RPH3AL: variants seen among roughly 807,000 people sequenced by gnomAD.
RPH3AL encodes rabphilin 3A like (without C2 domains), also known as rab effector Noc2.
A neutral mutation model predicts 43.1 loss-of-function variants in RPH3AL; 38 were observed. The ratio of observed to expected loss-of-function variants is 0.88; its 90% CI spans 0.68 to 1.15. The LOEUF (loss-of-function observed/expected upper bound fraction) is 1.15. Ranked by LOEUF, RPH3AL falls within the 50% of genes most tolerant of loss-of-function variation. The pLI is 0.00. For missense variants in RPH3AL, 462 were observed against 423.2 expected (o/e 1.09, Z -0.81); for synonymous variants, 189 against 176.3 (o/e 1.07, Z -0.57).
chr17:230,674 C>T (rs2041210645), intron 7 of RPH3AL, among the ~76,000 whole-genome samples: 1 of 152,154 alleles, frequency 6.6e-6, no homozygotes, highest in Non-Finnish European at 1.5e-5. Context: ...CAGATGATGG[C>T]TTTTGGTTTA....
At position 213,938 on chromosome 17, in the gene RPH3AL, A is replaced by G. The variant is rs2040730264; in HGVS notation, c.877-15T>C. On this transcript the variant is annotated splice_polypyrimidine_tract_variant and intron_variant, in intron 9 of 9. Transcript: ENST00000331302. ...GTGTCTTTTACCTTTGGATGAGAGA[A>G]AAGGCCACCACATGGTGAGCAGCGG... 1 of 1,607,260 alleles carries G rather than the reference A, an allele frequency of 6.2e-7. No individual in the cohort carries two copies.
At chr17:281,406 C>T (rs1037657143) in intron 6 of RPH3AL, among the ~76,000 whole-genome samples, 1 of 152,096 alleles carries the variant, frequency 6.6e-6, no homozygotes. Flanking sequence ...ACACAGTCAG[C>T]GTTCACCCTG....
At chr17:243,243 G>T in intron 7 of RPH3AL, among the ~76,000 whole-genome samples, 1 of 133,578 alleles carries the variant, frequency 7.5e-6, no homozygotes. Context: ...TTCCTCTATT[G>T]ATTACCTTTC....
chr17:270,392 C>A (rs1041601159), intron 6 of RPH3AL, among the ~76,000 whole-genome samples: 1 of 152,194 alleles, frequency 6.6e-6, no homozygotes, highest in Non-Finnish European at 1.5e-5. Context: ...TCGGCTAGCA[C>A]GGCCAGTTCC....
intron 7 of RPH3AL, among the ~76,000 whole-genome samples, chr17:231,108 T>C (rs2041221483): frequency 6.6e-6 from 1 of 152,226 alleles, no homozygotes; most frequent in South Asian, 2.1e-4. Flanking sequence ...CTTCTGTCTA[T>C]GCCAGCTCCT....
At chr17:321,210 C>T in intron 4 of RPH3AL, 62 bp downstream of exon 4, 2 of 1,563,760 alleles carry the variant, frequency 1.3e-6, no homozygotes, top group African/African-American at 1.3e-5. Flanking sequence ...CCTCCCAGTC[C>T]CCTGCGCTTG....
At chr17:303,065 G>A (rs961752081) in intron 5 of RPH3AL, among the ~76,000 whole-genome samples, 6 of 152,238 alleles carry the variant, frequency 3.9e-5, no homozygotes, top group Admixed American at 6.5e-5. Context: ...AAGGTTCGAG[G>A]TGGAGATAAA....
At chr17:266,115 T>C (rs1227369467) in intron 6 of RPH3AL, among the ~76,000 whole-genome samples, 1 of 152,210 alleles carries the variant, frequency 6.6e-6, no homozygotes, top group African/African-American at 2.4e-5. Context: ...TCATTCCTAA[T>C]TGAGGTGTGA....
chr17:239,623 T>C (rs1261690402), intron 7 of RPH3AL, among the ~76,000 whole-genome samples: 1 of 152,046 alleles, frequency 6.6e-6, no homozygotes, highest in Non-Finnish European at 1.5e-5. Flanking sequence ...GATTCTGTTT[T>C]GTTTTGTTTT....
chr17:284,167 G>A (rs952544883), intron 5 of RPH3AL, among the ~76,000 whole-genome samples: 2 of 152,134 alleles, frequency 1.3e-5, no homozygotes, highest in South Asian at 4.1e-4. Context: ...GGGAACAGGA[G>A]GGAATCAAAC....
chr17:234,880 G>C lies in RPH3AL; in HGVS notation c.613+12231C>G, dbSNP rs570073575. On this transcript the variant is annotated intron_variant, in intron 7 of 9. Coordinates refer to ENST00000331302, the MANE Select transcript of RPH3AL (RefSeq NM_006987.4). ...ACAGAGAGAGAAGGAAGGCGGCATA[G>C]CAGCAGCTGGCTCTGGGCGGTCAGC... Among the ~76,000 whole-genome samples, 4 of 152,358 alleles carry C rather than the reference G, an allele frequency of 2.6e-5. No individual in the cohort carries two copies. The East Asian group carries it at 5.8e-4, about 22-fold the overall frequency.
chr17:247,228 G>C lies in RPH3AL; in HGVS notation c.496C>G (p.Leu166Val), dbSNP rs1567582400. Residue 166 changes from leucine to valine, a missense_variant, in exon 7 of 10, where the codon CTG becomes GTG. Transcript: ENST00000331302. ...YKGLPKYILP[L>V]KTPGRADDPH... Reference sequence around the variant, plus strand: ...TCATCAGCTCGGCCAGGGGTCTTCAGGGGCAAGATATACTTGGGGAGCCCT... The same window carrying C: ...TCATCAGCTCGGCCAGGGGTCTTCACGGGCAAGATATACTTGGGGAGCCCT... 1.9e-6 allele frequency: 3 copies of C among 1,612,610 alleles called. No individual in the cohort carries two copies. The highest frequency in any genetic ancestry group is 2.5e-6 in the Non-Finnish European group (3 of 1,179,334).
intron 1 of RPH3AL, among the ~76,000 whole-genome samples, chr17:346,549 G>A (rs910893806): frequency 1.5e-5 from 2 of 133,468 alleles, no homozygotes; most frequent in Non-Finnish European, 3.4e-5. Context: ...AGAACAGCAC[G>A]GGAAAGACCC....
rs1039198502 is a variant in RPH3AL at position 289,781 on chromosome 17, G to C, written c.352-7927C>G. 1.3e-5 allele frequency among the ~76,000 whole-genome samples: 2 copies of C among 152,190 alleles called. No homozygotes were observed. The highest frequency in any genetic ancestry group is 2.9e-5 in the Non-Finnish European group (2 of 68,038). On this transcript the variant is annotated intron_variant, in intron 5 of 9. Transcript: ENST00000331302. The surrounding 1 kb of genome is among the most constrained non-coding windows in gnomAD (Gnocchi z 5.2). Reference sequence around the variant, plus strand: ...TTGCACGTGTTGCCCCCTCTGTGTGGCCACGCTGTCTCTTCATTAACCTAC... The same window carrying C: ...TTGCACGTGTTGCCCCCTCTGTGTGCCCACGCTGTCTCTTCATTAACCTAC...
chr17:308,970 T>C (rs938247934), intron 5 of RPH3AL, among the ~76,000 whole-genome samples: 1 of 152,060 alleles, frequency 6.6e-6, no homozygotes, highest in Non-Finnish European at 1.5e-5. Context: ...ATCGCCACCA[T>C]CTCTAAGACT....
chr17:349,723 A>T (rs747044179), intron 1 of RPH3AL, among the ~76,000 whole-genome samples: 3 of 152,230 alleles, frequency 2.0e-5, no homozygotes, highest in Non-Finnish European at 4.4e-5. Context: ...AATTAAAATA[A>T]TGCTTCTCCT....
chr17:250,211 C>CTTTA (rs2041862656), intron 6 of RPH3AL, among the ~76,000 whole-genome samples: 1 of 135,064 alleles, frequency 7.4e-6, no homozygotes, highest in Non-Finnish European at 1.6e-5. Flanking sequence ...CCTCTCAGAG[C>CTTTA]CTAAGCTCTG....
intron 1 of RPH3AL, among the ~76,000 whole-genome samples, chr17:336,235 G>A (rs562695228): frequency 1.3e-5 from 2 of 152,320 alleles, no homozygotes; most frequent in East Asian, 3.9e-4. Flanking sequence ...GAGGAGGGCA[G>A]CAAGATAAGG....
intron 6 of RPH3AL, among the ~76,000 whole-genome samples, chr17:262,530 C>T (rs1485017505): frequency 1.3e-5 from 2 of 149,360 alleles, no homozygotes; most frequent in Non-Finnish European, 3.0e-5. Context: ...ATAATTTTTA[C>T]AATGTAAATC....
Sources: gnomAD v4.1 joint callset for allele counts (sites outside exome capture counted in the v4.1 genomes callset) on GRCh38, gnomAD v4.1.1 for gene constraint, Gnocchi (gnomAD v3.1) non-coding constraint, MANE v1.5 for transcripts, NCBI Gene and HGNC (gene_info 2026-07-23, HGNC 2026-07-21) for gene names.